PBX1: variants seen among roughly 807,000 people sequenced by gnomAD.
PBX1 encodes the protein pre-B-cell leukemia transcription factor 1.
PBX1 carries 6 observed loss-of-function variants against 53.4 expected under a neutral mutation model. That is an observed-to-expected ratio of 0.11 (90% CI 0.06 to 0.22). PBX1 has a LOEUF of 0.22. Among genes scored for constraint, PBX1 ranks in the 10% least tolerant of loss-of-function variants. The pLI, the probability that PBX1 is intolerant of heterozygous loss-of-function variation, is 1.00. For synonymous variants in PBX1, 204 were observed against 212.3 expected (o/e 0.96, Z 0.34); for missense variants, 251 against 551.4 (o/e 0.46, Z 5.46).
In PBX1 at chr1:164,797,762, G is replaced by A. The variant is rs531835991; in HGVS notation, c.511-1937G>A. On this transcript the variant is annotated intron_variant, in intron 3 of 8. Transcript: ENST00000420696. ...GATAATTGTGACATGTACTTGTAGG[G>A]CCAGGCACACATATAGTAACTCATT... Among the ~76,000 whole-genome samples, 3 of 152,294 alleles carry A rather than the reference G, an allele frequency of 2.0e-5. No homozygotes were observed. In the East Asian group the frequency reaches 5.8e-4, roughly 29 times the overall value.
intron 2 of PBX1, among the ~76,000 whole-genome samples, chr1:164,667,392 T>G (rs1660866735): frequency 7.0e-6 from 1 of 142,730 alleles, no homozygotes; most frequent in Non-Finnish European, 1.5e-5. Flanking sequence ...AACATGTATT[T>G]TATATAACAT....
chr1:164,593,648 A>AAATT (rs1553212907), intron 2 of PBX1, among the ~76,000 whole-genome samples: 1 of 152,024 alleles, frequency 6.6e-6, no homozygotes, highest in African/African-American at 2.4e-5. Flanking sequence ...GAAAAATAAT[A>AAATT]AATAGCCAGA....
rs552500981 is a variant in PBX1, at chr1:164,807,882, C to T, written c.837+205C>T. Among the ~76,000 whole-genome samples, 82 of 152,298 alleles carry T rather than the reference C, an allele frequency of 5.4e-4. 1 individual carries two copies. The South Asian group carries it at 0.017, about 31-fold the overall frequency. ...CTTGGCAAAACTTGAGAAGAACCAG[C>T]AGAAGGAAGAGAAGAATAAGTAGAG... On this transcript the variant is annotated intron_variant, in intron 5 of 8. Coordinates refer to ENST00000420696, the MANE Select transcript of PBX1 (RefSeq NM_002585.4).
downstream of PBX1, among the ~76,000 whole-genome samples, chr1:164,853,739 T>C (rs1291922168): frequency 2.6e-5 from 4 of 152,120 alleles, no homozygotes; most frequent in Admixed American, 2.6e-4. Flanking sequence ...CACACTGACA[T>C]GTTTACTGCT....
intron 3 of PBX1, among the ~76,000 whole-genome samples, chr1:164,796,226 C>T (rs1668778926): frequency 6.6e-6 from 1 of 151,958 alleles, no homozygotes. Context: ...AGCCAGGATG[C>T]TCTCGAGCTC....
Position 164,847,821 on chromosome 1 carries a change from C to T in PBX1, c.*1145C>T, listed in dbSNP as rs759956201. 3.9e-5 allele frequency: 41 copies of T among 1,054,476 alleles called. No homozygotes were observed. Among genetic ancestry groups the T allele is most frequent in the African/African-American group, 5.0e-5 (3 of 60,404 alleles). 65.3% of individuals were successfully genotyped at this position (1,054,476 alleles called of 1,614,324 possible). On this transcript the variant is annotated 3_prime_UTR_variant, in exon 9 of 9. Transcript: ENST00000420696. ...CTTCCAGGACCTGCAGGCCCACTAG[C>T]GTGCACTTACCAGAATGGCATACAC...
intron 2 of PBX1, chr1:164,642,754 A>G (rs901741498): frequency 3.3e-5 from 5 of 152,200 alleles, no homozygotes; most frequent in African/African-American, 9.7e-5. Context: ...CAAGGAGCTC[A>G]CAGTCTAGTT....
chr1:164,616,169 G>A (rs1268753346), intron 2 of PBX1, among the ~76,000 whole-genome samples: 1 of 152,170 alleles, frequency 6.6e-6, no homozygotes, highest in African/African-American at 2.4e-5. Flanking sequence ...TCAAATGGTG[G>A]TTCTTCATGC....
intron 2 of PBX1, among the ~76,000 whole-genome samples, chr1:164,881,562 T>TGA (rs759009258): frequency 3.2e-4 from 15 of 47,204 alleles, no homozygotes; most frequent in African/African-American, 1.1e-3. Context: ...GTAGCGGTGG[T>TGA]GAGAGAGAGA....
downstream of PBX1, among the ~76,000 whole-genome samples, chr1:164,852,491 G>C: frequency 6.6e-6 from 1 of 152,172 alleles, no homozygotes; most frequent in East Asian, 1.9e-4. Flanking sequence ...ACCTAAGTCT[G>C]TGCCCAAGTC....
chr1:164,628,930 G>A (rs1658224908), intron 2 of PBX1, among the ~76,000 whole-genome samples: 1 of 152,052 alleles, frequency 6.6e-6, no homozygotes, highest in Non-Finnish European at 1.5e-5. Flanking sequence ...GTCTCCCTTT[G>A]CTCATGTCCC....
At chr1:164,736,510 T>A (rs1665297823) in intron 2 of PBX1, among the ~76,000 whole-genome samples, 1 of 152,126 alleles carries the variant, frequency 6.6e-6, no homozygotes. Context: ...ATCTTCCTTC[T>A]TTTCTCTGAG....
rs112479988 is a variant in PBX1 at position 164,694,088 on chromosome 1, A to G, written c.266-98406A>G. 9.5e-3 allele frequency among the ~76,000 whole-genome samples: 1,347 copies of G among 142,034 alleles called. 25 individuals are homozygous for G. Among genetic ancestry groups the G allele is most frequent in the African/African-American group, 0.033 (1,286 of 39,320 alleles). The allele number at this position is 142,034 out of a possible 152,430, so 93.2% of individuals were successfully genotyped here. A position where few individuals can be genotyped will look rare whatever the true frequency, so the allele number is the denominator to read the frequency against. On this transcript the variant is annotated intron_variant, in intron 2 of 8. Coordinates refer to ENST00000420696, the MANE Select transcript of PBX1 (RefSeq NM_002585.4). ...GCTTTTTTTTTCAATTAACTTCTAGAGTGCTTTGTTTTCTTTGCTGAAGTC... is the reference window on the plus strand; with the variant it reads ...GCTTTTTTTTTCAATTAACTTCTAGGGTGCTTTGTTTTCTTTGCTGAAGTC...
chr1:164,801,745 G>A (rs1208432405), intron 4 of PBX1, among the ~76,000 whole-genome samples: 2 of 152,148 alleles, frequency 1.3e-5, no homozygotes, highest in African/African-American at 2.4e-5. Context: ...CATTGCTTCT[G>A]AGCCAAGATT....
intron 2 of PBX1, among the ~76,000 whole-genome samples, chr1:164,572,417 G>A (rs949753746): frequency 6.6e-6 from 1 of 152,134 alleles, no homozygotes; most frequent in African/African-American, 2.4e-5. Context: ...TTGACTTGAA[G>A]TATGCATGAT....
intron 7 of PBX1, among the ~76,000 whole-genome samples, chr1:164,820,725 T>C (rs918270584): frequency 5.9e-5 from 9 of 152,170 alleles, no homozygotes; most frequent in East Asian, 3.9e-4. Flanking sequence ...GAAGTCCACA[T>C]TGGGAAGCAA....
intron 2 of PBX1, among the ~76,000 whole-genome samples, chr1:164,644,573 T>TC (rs1659339630): frequency 6.6e-6 from 1 of 152,032 alleles, no homozygotes; most frequent in Non-Finnish European, 1.5e-5. Flanking sequence ...TGTTTTTTTT[T>TC]TTCCTAAATG....
At chr1:164,701,803 G>C (rs568189922) in intron 2 of PBX1, among the ~76,000 whole-genome samples, 1 of 152,250 alleles carries the variant, frequency 6.6e-6, no homozygotes, top group East Asian at 1.9e-4. Flanking sequence ...TATGATTTGT[G>C]TCATTTTCTA....
chr1:164,858,613 A>C (rs1318015800), intron 2 of PBX1, among the ~76,000 whole-genome samples: 1 of 152,162 alleles, frequency 6.6e-6, no homozygotes, highest in Non-Finnish European at 1.5e-5. Flanking sequence ...ACAAAGAGGA[A>C]GGGAGAATTT....
Sources: gnomAD v4.1 joint callset for allele counts (sites outside exome capture counted in the v4.1 genomes callset) on GRCh38, gnomAD v4.1.1 for gene constraint, MANE v1.5 for transcripts, NCBI Gene and HGNC (gene_info 2026-07-23, HGNC 2026-07-21) for gene names.